The following AMBRA1 variants were observed in gnomAD, a reference collection of about 807,000 sequenced individuals.
The protein encoded by AMBRA1 is activating molecule in BECN1-regulated autophagy protein 1.
In AMBRA1, 47 loss-of-function variants were observed where a neutral mutation model predicts 125.4. The ratio of observed to expected loss-of-function variants is 0.37; its 90% CI spans 0.30 to 0.48. The LOEUF (loss-of-function observed/expected upper bound fraction) is 0.48, where lower values mean the gene tolerates loss of function less well. Ranked by LOEUF, AMBRA1 falls within the 20% of genes least tolerant of loss-of-function variation. The probability of loss-of-function intolerance (pLI) is 0.99; values close to 1 mark genes in which losing one functional copy is unlikely to be tolerated. For synonymous variants in AMBRA1, 626 were observed against 655.5 expected (o/e 0.95, Z 0.69); for missense variants, 1,331 against 1,693.4 (o/e 0.79, Z 3.76).
chr11:46,536,426 TG>T (rs919296596), intron 7 of AMBRA1, among the ~76,000 whole-genome samples: 1 of 152,260 alleles, frequency 6.6e-6, no homozygotes, highest in African/African-American at 2.4e-5. Flanking sequence ...ACAGCTGTGC[TG>T]GGTTTTGAAT....
chr11:46,584,547 CA>C (rs201061717), intron 1 of AMBRA1, among the ~76,000 whole-genome samples: 13 of 150,532 alleles, frequency 8.6e-5, no homozygotes, highest in Non-Finnish European at 7.4e-5. Context: ...AGAAAAAAAA[CA>C]AAAAAAACAA....
At chr11:46,511,043 T>C (rs1352253974) in intron 8 of AMBRA1, among the ~76,000 whole-genome samples, 1 of 152,206 alleles carries the variant, frequency 6.6e-6, no homozygotes, top group African/African-American at 2.4e-5. Context: ...AGTATGACAC[T>C]TTCCGTGATA....
intron 11 of AMBRA1, among the ~76,000 whole-genome samples, chr11:46,446,138 G>T (rs1948273177): frequency 6.6e-6 from 1 of 152,176 alleles, no homozygotes. Flanking sequence ...GGTGCTCTCT[G>T]CCAATGGTGC....
chr11:46,543,579 T>C (rs1952857625), intron 6 of AMBRA1, among the ~76,000 whole-genome samples, 181 bp from the exon 7 acceptor site: 1 of 152,168 alleles, frequency 6.6e-6, no homozygotes, highest in Non-Finnish European at 1.5e-5. Context: ...AATCACATGG[T>C]ATTAAATTTT....
At chr11:46,413,482 C>A (rs947077433) in intron 15 of AMBRA1, among the ~76,000 whole-genome samples, 3 of 146,806 alleles carry the variant, frequency 2.0e-5, no homozygotes, top group South Asian at 2.9e-4. Flanking sequence ...TCTTAGCTTT[C>A]TTTCTTTCTT....
intron 1 of AMBRA1, among the ~76,000 whole-genome samples, chr11:46,562,163 T>C (rs953260697): frequency 6.6e-6 from 1 of 152,088 alleles, no homozygotes; most frequent in African/African-American, 2.4e-5. Flanking sequence ...CTCTCTGAGA[T>C]GACATTTGAG....
chr11:46,400,447 G>C (rs1945686345), intron 17 of AMBRA1, among the ~76,000 whole-genome samples: 1 of 130,594 alleles, frequency 7.7e-6, no homozygotes, highest in Non-Finnish European at 1.6e-5. Flanking sequence ...GTACTTGGCA[G>C]CCTCATGCTT....
chr11:46,527,434 C>G (rs910927948), intron 7 of AMBRA1, among the ~76,000 whole-genome samples: 2 of 118,422 alleles, frequency 1.7e-5, no homozygotes, highest in African/African-American at 6.5e-5. Flanking sequence ...GAGCCGAGAT[C>G]ATGCCACTGT....
intron 7 of AMBRA1, among the ~76,000 whole-genome samples, chr11:46,533,674 A>T (rs187682466): frequency 6.6e-6 from 1 of 152,334 alleles, no homozygotes; most frequent in Non-Finnish European, 1.5e-5. Context: ...GAGTTGGCCT[A>T]GCTTTAATTT....
chr11:46,529,160 A>G (rs1952107575), intron 7 of AMBRA1, among the ~76,000 whole-genome samples: 1 of 152,180 alleles, frequency 6.6e-6, no homozygotes, highest in African/African-American at 2.4e-5. Flanking sequence ...GCTCTGCAAA[A>G]GGTGCAGGCA....
rs377235227 is a variant in AMBRA1 at position 46,406,215 on chromosome 11, G to A, written c.3403+2298C>T. 9.3e-5 allele frequency among the ~76,000 whole-genome samples: 14 copies of A among 151,286 alleles called. No individual in the cohort carries two copies. In the East Asian group the frequency reaches 1.2e-3, roughly 13 times the overall value. On this transcript the variant is annotated intron_variant, in intron 17 of 17. Transcript: ENST00000683756. ...ATTACAGGTGCCCACCACCATGCCC[G>A]GCTAATTTTTGTGTTTTTAGTAGAG...
intron 11 of AMBRA1, among the ~76,000 whole-genome samples, chr11:46,483,667 A>C (rs1950160700): frequency 6.6e-6 from 1 of 152,358 alleles, no homozygotes; most frequent in African/African-American, 2.4e-5. Context: ...TGGGAGACCA[A>C]GGTGGGTGGA....
At chr11:46,410,686 C>G (rs868417128) in intron 15 of AMBRA1, among the ~76,000 whole-genome samples, 18 of 152,336 alleles carry the variant, frequency 1.2e-4, no homozygotes, top group Admixed American at 1.0e-3. Flanking sequence ...GCAGTGGGTC[C>G]TGAGTATTCT....
intron 1 of AMBRA1, among the ~76,000 whole-genome samples, chr11:46,592,360 A>G (rs1270982814): frequency 6.6e-6 from 1 of 152,180 alleles, no homozygotes; most frequent in Non-Finnish European, 1.5e-5. Context: ...ACCACAAAGG[A>G]GTTCCCAAAG....
intron 7 of AMBRA1, among the ~76,000 whole-genome samples, chr11:46,540,326 T>C (rs567943194): frequency 1.3e-5 from 2 of 152,292 alleles, no homozygotes; most frequent in South Asian, 4.1e-4. Flanking sequence ...ACAGAGATCT[T>C]TAATAAACTT....
At chr11:46,540,045 T>C (rs1055354434) in intron 7 of AMBRA1, among the ~76,000 whole-genome samples, 1 of 152,186 alleles carries the variant, frequency 6.6e-6, no homozygotes, top group Non-Finnish European at 1.5e-5. Context: ...TTGGCCAGGC[T>C]GGTCTCGAAC....
intron 1 of AMBRA1, among the ~76,000 whole-genome samples, chr11:46,583,004 C>T (rs928278480): frequency 6.6e-6 from 1 of 151,440 alleles, no homozygotes; most frequent in African/African-American, 2.4e-5. Context: ...AAGGAATACA[C>T]ATGCAACAAA....
rs554271434 is a variant in AMBRA1, at chr11:46,570,217, G to A, written c.-120-21717C>T. ...CCAGAGGTTGCAGTGAGCAGAGATC[G>A]CACCATTGAACTCCAGCCTGGGCAA... On this transcript the variant is annotated intron_variant, in intron 1 of 17. Coordinates refer to ENST00000683756, the MANE Select transcript of AMBRA1 (RefSeq NM_001387011.1). 9.9e-5 allele frequency among the ~76,000 whole-genome samples: 13 copies of A among 131,302 alleles called. No homozygotes were observed. In the South Asian group the frequency reaches 2.2e-3, roughly 23 times the overall value. The allele number at this position is 131,302 out of a possible 152,430, so 86.1% of individuals were successfully genotyped here. A position where few individuals can be genotyped will look rare whatever the true frequency, so the allele number is the denominator to read the frequency against.
At chr11:46,417,404 A>C (rs1289671705) in intron 15 of AMBRA1, among the ~76,000 whole-genome samples, 2 of 152,202 alleles carry the variant, frequency 1.3e-5, no homozygotes, top group African/African-American at 4.8e-5. Context: ...CTCCAAGCAG[A>C]AAGGAAAACA....
Sources: gnomAD v4.1 joint callset for allele counts (sites outside exome capture counted in the v4.1 genomes callset) on GRCh38, gnomAD v4.1.1 for gene constraint, MANE v1.5 for transcripts, NCBI Gene and HGNC (gene_info 2026-07-23, HGNC 2026-07-21) for gene names.